Variants in CSMD1 observed in about 807,000 individuals in gnomAD.
The protein encoded by CSMD1 is CUB and Sushi multiple domains 1.
A neutral mutation model predicts 417.5 loss-of-function variants in CSMD1; 213 were observed. The ratio of observed to expected loss-of-function variants is 0.51; its 90% CI spans 0.46 to 0.57. The LOEUF is 0.57. Among genes scored for constraint, CSMD1 ranks in the 20% least tolerant of loss-of-function variants. The pLI is 0.00. For missense variants in CSMD1, 6,923 were observed against 4,529.7 expected, an observed-to-expected ratio of 1.53 and a Z score of -15.17; for synonymous variants, 2,862 against 1,736.8, an observed-to-expected ratio of 1.65 and a Z score of -16.11.
chr8:3,802,277 T>C (rs1297015746), intron 5 of CSMD1, among the ~76,000 whole-genome samples: 1 of 152,168 alleles, frequency 6.6e-6, no homozygotes, highest in Admixed American at 6.5e-5. Context: ...TGGATGAGAT[T>C]TCTGCTATTT....
At chr8:4,099,833 G>A (rs142078954) in intron 3 of CSMD1, among the ~76,000 whole-genome samples, 2 of 152,030 alleles carry the variant, frequency 1.3e-5, no homozygotes, top group Non-Finnish European at 2.9e-5. Context: ...TCCACATCTT[G>A]CTCCCTTAGA....
chr8:4,115,782 A>G (rs1802102486), intron 3 of CSMD1, among the ~76,000 whole-genome samples: 1 of 151,942 alleles, frequency 6.6e-6, no homozygotes, highest in South Asian at 2.1e-4. Context: ...AAGCCATGAA[A>G]AGTCATGGTG....
intron 2 of CSMD1, among the ~76,000 whole-genome samples, chr8:4,606,101 T>C (rs17345034): frequency 0.034 from 5,239 of 152,210 alleles, 146 homozygotes; most frequent in Admixed American, 0.09. Flanking sequence ...ACGTTCAAAA[T>C]TGATCGAGCT....
At chr8:4,455,022 C>T (rs1376219846) in intron 2 of CSMD1, among the ~76,000 whole-genome samples, 2 of 152,006 alleles carry the variant, frequency 1.3e-5, no homozygotes, top group Non-Finnish European at 2.9e-5. Flanking sequence ...CCCAGTGTGT[C>T]AGTCCGCTGT....
At chr8:3,539,709 A>C (rs1349236247) in intron 10 of CSMD1, among the ~76,000 whole-genome samples, 1 of 151,858 alleles carries the variant, frequency 6.6e-6, no homozygotes, top group African/African-American at 2.4e-5. Context: ...CAGTGTTTAA[A>C]ATTAAAAACA....
rs978739304 is a variant in CSMD1 at position 4,869,207 on chromosome 8, G to C, written c.85+125125C>G. 8.6e-5 allele frequency among the ~76,000 whole-genome samples: 13 copies of C among 151,938 alleles called. 1 individual carries two copies. The South Asian group carries it at 2.7e-3, about 32-fold the overall frequency. The stretch of plus-strand genomic sequence containing the variant: ...AATTTTGTACACCTGCTATAATTTA[G>C]AACTGTATTTTCCCATAGAAAAGCA... On this transcript the variant is annotated intron_variant, in intron 1 of 69. Transcript: ENST00000635120.
intron 41 of CSMD1, among the ~76,000 whole-genome samples, chr8:3,141,521 G>C (rs987003037): frequency 3.9e-5 from 6 of 152,102 alleles, no homozygotes; most frequent in African/African-American, 1.4e-4. Flanking sequence ...TGGTTTAGGG[G>C]TCATGCAGCC....
At chr8:3,354,781 T>TG (rs71199563) in intron 21 of CSMD1, among the ~76,000 whole-genome samples, 71 of 121,936 alleles carry the variant, frequency 5.8e-4, no homozygotes, top group Non-Finnish European at 9.2e-4. Flanking sequence ...AGTTTAGTGA[T>TG]ATATATATAT....
chr8:4,337,038 T>C (rs1800214054), intron 3 of CSMD1, among the ~76,000 whole-genome samples: 1 of 152,044 alleles, frequency 6.6e-6, no homozygotes, highest in Non-Finnish European at 1.5e-5. Flanking sequence ...ATAAACTGAA[T>C]TTTGCCCACA....
At chr8:4,316,745 A>T (rs964816249) in intron 3 of CSMD1, among the ~76,000 whole-genome samples, 1 of 152,124 alleles carries the variant, frequency 6.6e-6, no homozygotes, top group Admixed American at 6.6e-5. Context: ...TAAATAAGAA[A>T]GTGGTCGAAC....
intron 4 of CSMD1, among the ~76,000 whole-genome samples, chr8:4,015,514 C>A (rs568363543): frequency 2.0e-5 from 3 of 152,102 alleles, no homozygotes; most frequent in Non-Finnish European, 4.4e-5. Flanking sequence ...GGTCTAAAAG[C>A]AACAATGGGC....
chr8:4,117,192 G>A (rs1341322365), intron 3 of CSMD1, among the ~76,000 whole-genome samples: 2 of 151,756 alleles, frequency 1.3e-5, no homozygotes, highest in Non-Finnish European at 2.9e-5. Context: ...CTCGATGGTT[G>A]CTGGAATGGC....
chr8:4,561,058 A>C (rs535357569), intron 2 of CSMD1, among the ~76,000 whole-genome samples: 1 of 152,226 alleles, frequency 6.6e-6, no homozygotes, highest in Non-Finnish European at 1.5e-5. Context: ...ACAAATGATA[A>C]CAATAAAATG....
chr8:4,684,792 T>C (rs1354996869), intron 1 of CSMD1, among the ~76,000 whole-genome samples: 1 of 152,230 alleles, frequency 6.6e-6, no homozygotes, highest in Non-Finnish European at 1.5e-5. Context: ...GCAATTTTAA[T>C]TATTGAGAAC....
intron 8 of CSMD1, chr8:3,598,399 T>C (rs1801194063): frequency 6.6e-6 from 1 of 152,182 alleles, no homozygotes; most frequent in Non-Finnish European, 1.5e-5. Flanking sequence ...CGTCAGTCTC[T>C]AGGAGAGAAA....
chr8:3,717,447 A>G (rs1445964661), intron 6 of CSMD1, among the ~76,000 whole-genome samples: 1 of 152,146 alleles, frequency 6.6e-6, no homozygotes, highest in African/African-American at 2.4e-5. Context: ...ATTTATTGTA[A>G]CTGTGAAATA....
chr8:4,211,679 G>A (rs566797314), intron 3 of CSMD1, among the ~76,000 whole-genome samples: 1 of 152,300 alleles, frequency 6.6e-6, no homozygotes, highest in South Asian at 2.1e-4. Flanking sequence ...TAGCTGAAAT[G>A]CAGACTTTAG....
At chr8:4,196,760 T>A (rs1465452784) in intron 3 of CSMD1, among the ~76,000 whole-genome samples, 2 of 152,156 alleles carry the variant, frequency 1.3e-5, no homozygotes, top group South Asian at 2.1e-4. Flanking sequence ...CTTTATCTTA[T>A]CTGTAAACCC....
At chr8:3,400,580 T>C (rs910498487) in intron 15 of CSMD1, among the ~76,000 whole-genome samples, 1 of 152,004 alleles carries the variant, frequency 6.6e-6, no homozygotes, top group Non-Finnish European at 1.5e-5. Flanking sequence ...TGCATGACCA[T>C]ATATTGGAAT....
Sources: gnomAD v4.1 joint callset for allele counts (sites outside exome capture counted in the v4.1 genomes callset) on GRCh38, gnomAD v4.1.1 for gene constraint, MANE v1.5 for transcripts, NCBI Gene and HGNC (gene_info 2026-07-23, HGNC 2026-07-21) for gene names.